The following UGT1A9 variants were observed in gnomAD, a reference collection of about 807,000 sequenced individuals.
UGT1A9 encodes the protein UDP-glucuronosyltransferase 1A9.
A neutral mutation model predicts 45.0 loss-of-function variants in UGT1A9; 35 were observed. That is an observed-to-expected ratio of 0.78 (90% confidence interval 0.59 to 1.03). The LOEUF (loss-of-function observed/expected upper bound fraction) is 1.03. Among genes scored for constraint, UGT1A9 ranks in the 50% least tolerant of loss-of-function variants. The pLI, the probability that UGT1A9 is intolerant of heterozygous loss-of-function variation, is 0.00. For synonymous variants in UGT1A9, 278 were observed against 250.6 expected (o/e 1.11, Z -1.03); for missense variants, 687 against 666.6 (o/e 1.03, Z -0.34).
intron 1 of UGT1A9, chr2:233,753,360 G>C (rs1270331798): frequency 6.6e-6 from 1 of 152,184 alleles, no homozygotes; most frequent in Non-Finnish European, 1.5e-5. Flanking sequence ...TATTACTTGG[G>C]TGCCATTCCA....
chr2:233,738,766 T>G (rs1690890490), intron 1 of UGT1A9, among the ~76,000 whole-genome samples: 1 of 152,128 alleles, frequency 6.6e-6, no homozygotes, highest in Non-Finnish European at 1.5e-5. Context: ...AAAACCCATT[T>G]TATGGGGAGA....
chr2:233,763,503 T>C (rs1459749644), intron 1 of UGT1A9, among the ~76,000 whole-genome samples: 1 of 152,236 alleles, frequency 6.6e-6, no homozygotes, highest in Admixed American at 6.5e-5. Flanking sequence ...GTTTACTTTA[T>C]GTTTAGTTGA....
chr2:233,714,997 C>A (rs1229091752), intron 1 of UGT1A9, among the ~76,000 whole-genome samples: 1 of 152,164 alleles, frequency 6.6e-6, no homozygotes, highest in Non-Finnish European at 1.5e-5. Context: ...CTGCCTCAGC[C>A]TCCCAAGTAG....
In UGT1A9 at chr2:233,693,735, T is replaced by A. The variant is rs375588110; in HGVS notation, c.855+20946T>A. 4.6e-5 allele frequency: 74 copies of A among 1,614,106 alleles called. No individual in the cohort carries two copies. The highest frequency in any genetic ancestry group is 3.3e-5 in the South Asian group (3 of 91,090). ...GTCCTCAAGAGAGATGTGGATATAA[T>A]CACCTTATATCAGAAGGTCTCTGTT... is the stretch of plus-strand genomic sequence containing the variant. On this transcript the variant is annotated intron_variant, in intron 1 of 4. Transcript: ENST00000354728.
At chr2:233,711,892 T>C (rs2076203000) in intron 1 of UGT1A9, among the ~76,000 whole-genome samples, 1 of 152,214 alleles carries the variant, frequency 6.6e-6, no homozygotes, top group Admixed American at 6.5e-5. Context: ...ACGAGTCTCA[T>C]GGGCGTGAGA....
Position 233,767,921 on chromosome 2 carries a change from C to T in UGT1A9, c.1060C>T (p.Gln354Ter), listed in dbSNP as rs72551350. 5.6e-6 allele frequency: 9 copies of T among 1,614,068 alleles called. No homozygotes were observed. Among genetic ancestry groups the T allele is most frequent in the Non-Finnish European group, 7.6e-6 (9 of 1,180,058 alleles). ...NNTILVKWLP[Q>*]NDLLGHPMTR... ...CACGATACTTGTTAAGTGGCTACCC[C>T]AAAACGATCTGCTTGGTATGTTGGG... The change falls in exon 3 of 5, where the codon CAA becomes TAA. Residue 354 changes from glutamine (Q) to a stop codon, truncating the protein, a stop_gained. Coordinates refer to ENST00000354728, the MANE Select transcript of UGT1A9 (RefSeq NM_021027.3). LOFTEE classifies it high-confidence loss of function.
intron 1 of UGT1A9, among the ~76,000 whole-genome samples, chr2:233,751,879 G>A (rs1331680632): frequency 6.6e-6 from 1 of 152,148 alleles, no homozygotes; most frequent in Non-Finnish European, 1.5e-5. Context: ...CCCGTCTTGG[G>A]TATGTCTTTA....
At chr2:233,700,844 G>A (rs1050489871) in intron 1 of UGT1A9, among the ~76,000 whole-genome samples, 3 of 151,850 alleles carry the variant, frequency 2.0e-5, no homozygotes, top group African/African-American at 4.8e-5. Flanking sequence ...TTAGCATTAG[G>A]TATATCTCCT....
At chr2:233,693,047 G>A (rs2075129391) in intron 1 of UGT1A9, 1 of 1,614,146 alleles carries the variant, frequency 6.2e-7, no homozygotes, top group Non-Finnish European at 8.5e-7. Context: ...TTCTGCAGGG[G>A]TTTTCTTCTT....
chr2:233,741,276 T>C (rs752081250), intron 1 of UGT1A9, among the ~76,000 whole-genome samples: 1 of 151,850 alleles, frequency 6.6e-6, no homozygotes, highest in Non-Finnish European at 1.5e-5. Flanking sequence ...CACTGAACAA[T>C]GGGATTTATG....
intron 1 of UGT1A9, among the ~76,000 whole-genome samples, chr2:233,697,092 C>G (rs1373676838): frequency 6.6e-6 from 1 of 151,956 alleles, no homozygotes; most frequent in Non-Finnish European, 1.5e-5. Flanking sequence ...ACTGGTCTCA[C>G]AGGATGAGTT....
chr2:233,674,101 T>G (rs914581606), intron 1 of UGT1A9, among the ~76,000 whole-genome samples: 3 of 152,206 alleles, frequency 2.0e-5, no homozygotes, highest in Admixed American at 1.3e-4. Flanking sequence ...TTTGGAGGGA[T>G]GGAGTATACA....
At chr2:233,712,026 T>G (rs2076211157) in intron 1 of UGT1A9, among the ~76,000 whole-genome samples, 1 of 152,232 alleles carries the variant, frequency 6.6e-6, no homozygotes, top group Non-Finnish European at 1.5e-5. Context: ...CAGAACTTGG[T>G]GCTGGATTGA....
intron 1 of UGT1A9, chr2:233,752,620 G>A (rs1390592836): frequency 7.2e-5 from 11 of 152,184 alleles, no homozygotes; most frequent in Non-Finnish European, 2.9e-5. Flanking sequence ...TTAGCTAGGT[G>A]TGGTAGCTGT....
intron 1 of UGT1A9, chr2:233,690,639 A>C: frequency 7.8e-7 from 1 of 1,287,678 alleles, no homozygotes; most frequent in South Asian, 1.2e-5. Context: ...ACCTGAGGAC[A>C]CCTTGACTCC....
intron 1 of UGT1A9, among the ~76,000 whole-genome samples, chr2:233,687,621 G>T (rs796956620): frequency 6.7e-6 from 1 of 148,232 alleles, no homozygotes; most frequent in South Asian, 2.1e-4. Flanking sequence ...AAGAAAAAAA[G>T]GCTGAGTGTG....
chr2:233,719,024 C>T (rs2076714368), intron 1 of UGT1A9: 2 of 1,614,250 alleles, frequency 1.2e-6, no homozygotes, highest in Non-Finnish European at 8.5e-7. Context: ...TGAATATGCA[C>T]ATCAAAGAAG....
chr2:233,759,589 C>A (rs1019080455), intron 1 of UGT1A9, among the ~76,000 whole-genome samples: 1 of 147,434 alleles, frequency 6.8e-6, no homozygotes, highest in African/African-American at 2.5e-5. Context: ...CAGCACGCCC[C>A]CCACCCCCGA....
At chr2:233,694,300 T>G (rs1423293480) in intron 1 of UGT1A9, among the ~76,000 whole-genome samples, 1 of 151,018 alleles carries the variant, frequency 6.6e-6, no homozygotes, top group East Asian at 1.9e-4. Flanking sequence ...AAGGCCTGTT[T>G]TTTGTTTTTT....
Sources: gnomAD v4.1 joint callset for allele counts (sites outside exome capture counted in the v4.1 genomes callset) on GRCh38, gnomAD v4.1.1 for gene constraint, MANE v1.5 for transcripts, NCBI Gene and HGNC (gene_info 2026-07-23, HGNC 2026-07-21) for gene names.